Variants in PIAS2 observed in about 807,000 individuals in gnomAD.
PIAS2 encodes the protein E3 SUMO-protein ligase PIAS2.
A neutral mutation model predicts 69.7 loss-of-function variants in PIAS2; 19 were observed. That is an observed-to-expected ratio of 0.27 (90% CI 0.19 to 0.40). The LOEUF (loss-of-function observed/expected upper bound fraction) is 0.40, where lower values mean the gene tolerates loss of function less well. Ranked by LOEUF, PIAS2 falls within the 10% of genes least tolerant of loss-of-function variation. PIAS2 has a pLI of 1.00. For synonymous variants in PIAS2, 261 were observed against 263.2 expected (o/e 0.99, Z 0.08); for missense variants, 624 against 757.0 (o/e 0.82, Z 2.06).
chr18:46,824,757 C>T (rs1359233170), intron 11 of PIAS2, among the ~76,000 whole-genome samples: 5 of 151,412 alleles, frequency 3.3e-5, no homozygotes, highest in African/African-American at 1.2e-4. Context: ...AATCCTAGCA[C>T]TTTGGCAGGC....
chr18:46,896,985 A>G (rs1302514050), intron 1 of PIAS2, among the ~76,000 whole-genome samples: 1 of 152,222 alleles, frequency 6.6e-6, no homozygotes, highest in Non-Finnish European at 1.5e-5. Flanking sequence ...GTGGGGACAT[A>G]TATGACAAAA....
At chr18:46,820,782 T>C (rs1366685749) in intron 12 of PIAS2, 151 bp downstream of exon 12, 4 of 551,122 alleles carry the variant, frequency 7.3e-6, no homozygotes, top group Non-Finnish European at 1.2e-5. Context: ...CTGGATGTGA[T>C]GTATAAAAAC....
intron 8 of PIAS2, among the ~76,000 whole-genome samples, chr18:46,840,792 T>C (rs910024224): frequency 1.3e-5 from 2 of 152,216 alleles, no homozygotes; most frequent in African/African-American, 4.8e-5. Context: ...GATGCTTTTT[T>C]GAAATTTATT....
chr18:46,891,598 C>CA (rs1339784544), intron 1 of PIAS2: 1 of 655,728 alleles, frequency 1.5e-6, no homozygotes, highest in East Asian at 1.4e-4. Context: ...AAACAAACAA[C>CA]ATAATAAAGA....
At chr18:46,875,535 C>T (rs779639827) in intron 2 of PIAS2, among the ~76,000 whole-genome samples, 13 of 152,226 alleles carry the variant, frequency 8.5e-5, no homozygotes, top group South Asian at 2.1e-4. Flanking sequence ...CTCTCTGAGT[C>T]GGTTGAAAAC....
chr18:46,825,484 AAT>A (rs1475051605), intron 11 of PIAS2, among the ~76,000 whole-genome samples: 2 of 152,210 alleles, frequency 1.3e-5, no homozygotes, highest in Non-Finnish European at 2.9e-5. Flanking sequence ...GTGGGTATCA[AAT>A]AATCTCTTCT....
chr18:46,856,472 A>G lies in PIAS2; in HGVS notation c.585-857T>C, dbSNP rs547881516. Among the ~76,000 whole-genome samples, 138 of 152,288 alleles carry G rather than the reference A, an allele frequency of 9.1e-4. 2 individuals are homozygous for G. The South Asian group carries it at 0.028, about 31-fold the overall frequency. On this transcript the variant is annotated intron_variant, in intron 3 of 13. Coordinates refer to ENST00000585916, the MANE Select transcript of PIAS2 (RefSeq NM_004671.5). ...ATACCATGCAACTTCATAATTATGT[A>G]TCCAATTAAAGATACAGAACCTCTT... is the stretch of plus-strand genomic sequence containing the variant.
chr18:46,885,371 T>G (rs952633749), intron 2 of PIAS2, among the ~76,000 whole-genome samples: 1 of 151,718 alleles, frequency 6.6e-6, no homozygotes, highest in East Asian at 1.9e-4. Flanking sequence ...ACAAAAAAAA[T>G]TAGCTGGGCG....
chr18:46,904,763 A>G (rs545953888), intron 1 of PIAS2, among the ~76,000 whole-genome samples: 1 of 151,914 alleles, frequency 6.6e-6, no homozygotes, highest in East Asian at 1.9e-4. Context: ...TCAAAAAAAA[A>G]AAAAAAACAG....
intron 5 of PIAS2, chr18:46,853,229 C>T (rs897014788): frequency 3.2e-5 from 4 of 125,048 alleles, no homozygotes; most frequent in African/African-American, 9.2e-5. Flanking sequence ...CAGAGTGAGC[C>T]GAGACTACAC....
chr18:46,830,040 G>A (rs555040191), intron 9 of PIAS2, among the ~76,000 whole-genome samples, 173 bp from the exon 10 acceptor site: 1 of 152,218 alleles, frequency 6.6e-6, no homozygotes, highest in East Asian at 1.9e-4. Context: ...TTTGTCCTAT[G>A]TTTTAAATCT....
At chr18:46,837,234 TAACATGC>T (rs1344284144) in intron 8 of PIAS2, among the ~76,000 whole-genome samples, 1 of 151,852 alleles carries the variant, frequency 6.6e-6, no homozygotes, top group Non-Finnish European at 1.5e-5. Context: ...ACATGTGTAT[TAACATGC>T]TTTGTTCCAC....
At chr18:46,853,045 C>T (rs1385955190) in intron 5 of PIAS2, 1 of 152,350 alleles carries the variant, frequency 6.6e-6, no homozygotes, top group African/African-American at 2.4e-5. Flanking sequence ...GGGAGGCCAA[C>T]ATAGGTGGAT....
intron 1 of PIAS2, among the ~76,000 whole-genome samples, chr18:46,891,852 A>G (rs1009083884): frequency 6.6e-6 from 1 of 152,214 alleles, no homozygotes; most frequent in African/African-American, 2.4e-5. Flanking sequence ...TTTTTTCAGC[A>G]AAACTTAATG....
Position 46,817,156 on chromosome 18 carries a change from T to C in PIAS2, c.1649-1807A>G, listed in dbSNP as rs1022941726. ...TCATTTTTACAATAGCTTCTACCTT[T>C]TTATAGTTTTTCAGTTTCATATGTT... On this transcript the variant is annotated intron_variant, in intron 12 of 13. Coordinates refer to ENST00000585916, the MANE Select transcript of PIAS2 (RefSeq NM_004671.5). 16 of 958,468 alleles carry C rather than the reference T, an allele frequency of 1.7e-5. No individual in the cohort carries two copies. The Admixed American group carries it at 1.8e-4, about 11-fold the overall frequency. The allele number at this position is 958,468 out of a possible 1,614,324, so 59.4% of individuals were successfully genotyped here.
At chr18:46,836,268 G>C (rs932430079) in intron 9 of PIAS2, 89 bp downstream of exon 9, 2 of 940,966 alleles carry the variant, frequency 2.1e-6, no homozygotes, top group East Asian at 2.4e-5. Context: ...AATTTATTTA[G>C]AATTTAGTTC....
At chr18:46,918,226 G>C (rs755368290), upstream of PIAS2, among the ~76,000 whole-genome samples, 10 of 152,166 alleles carry the variant, frequency 6.6e-5, no homozygotes, top group Non-Finnish European at 1.5e-4. Flanking sequence ...GCTGATATAG[G>C]ATGAAGGAAG....
intron 1 of PIAS2, 28 bp from the exon 2 acceptor site, chr18:46,891,082 C>T (rs1019936481): frequency 1.4e-6 from 2 of 1,444,844 alleles, no homozygotes; most frequent in Non-Finnish European, 1.9e-6. Flanking sequence ...AAAACATAAG[C>T]CAAGTCACCC....
At position 46,890,657 on chromosome 18, in the gene PIAS2, G is replaced by A; in HGVS notation, c.422C>T (p.Pro141Leu). The change falls in exon 2 of 14, where the codon CCT becomes CTT. Residue 141 changes from proline (P) to leucine (L), a missense_variant. Around this residue, in one of 3 missense-constraint regions of PIAS2, gnomAD observed 339 missense variants for 408.8 expected, o/e 0.83. Coordinates refer to ENST00000585916, the MANE Select transcript of PIAS2 (RefSeq NM_004671.5). ...EMQQPSPPIP[P>L]VHPDVQLKNL... ...TTTTAACTGCACATCAGGATGGACA[G>A]GAGGAATTGGGGGAGATGGCTGCTG... The A allele has an allele frequency of 6.2e-7, 1 of 1,614,164 alleles. No individual in the cohort carries two copies. The highest frequency in any genetic ancestry group is 8.5e-7 in the Non-Finnish European group (1 of 1,180,030).
Sources: gnomAD v4.1 joint callset for allele counts (sites outside exome capture counted in the v4.1 genomes callset) on GRCh38, gnomAD v4.1.1 for gene constraint, gnomAD v4.1.1 regional missense constraint, MANE v1.5 for transcripts, NCBI Gene and HGNC (gene_info 2026-07-23, HGNC 2026-07-21) for gene names.